Variants in AGBL1 observed in about 807,000 individuals in gnomAD.
The protein encoded by AGBL1 is cytosolic carboxypeptidase 4.
Under a neutral mutation model 118.9 loss-of-function variants are expected in AGBL1, and 130 were observed. The ratio of observed to expected loss-of-function variants is 1.09; its 90% CI spans 0.95 to 1.26. The LOEUF is 1.26. Ranked by LOEUF, AGBL1 falls within the 50% of genes most tolerant of loss-of-function variation. The pLI is 0.00. For missense variants in AGBL1, 1,584 were observed against 1,298.1 expected (o/e 1.22, Z -3.38); for synonymous variants, 555 against 478.9 (o/e 1.16, Z -2.08).
At chr15:86,086,010 C>T (rs1895621575) in intron 1 of AGBL1, among the ~76,000 whole-genome samples, 1 of 152,134 alleles carries the variant, frequency 6.6e-6, no homozygotes. Flanking sequence ...GACAGGGGAC[C>T]AGTGGTGCTT....
At chr15:86,177,271 A>G (rs1032992034) in intron 5 of AGBL1, among the ~76,000 whole-genome samples, 1 of 152,238 alleles carries the variant, frequency 6.6e-6, no homozygotes, top group African/African-American at 2.4e-5. Flanking sequence ...ATGTTTACCT[A>G]ATAACAGAGC....
intron 19 of AGBL1, among the ~76,000 whole-genome samples, chr15:86,523,604 C>T (rs1394810214): frequency 6.6e-6 from 1 of 152,130 alleles, no homozygotes; most frequent in African/African-American, 2.4e-5. Context: ...CCTGAGTCTT[C>T]ATTTTTCTGG....
At chr15:86,596,639 T>A (rs914372416) in intron 21 of AGBL1, among the ~76,000 whole-genome samples, 1 of 152,126 alleles carries the variant, frequency 6.6e-6, no homozygotes, top group Admixed American at 6.6e-5. Context: ...TATATTCAAG[T>A]CATCATTCAA....
In AGBL1 at chr15:86,224,919, C is replaced by G. The variant is rs375655107; in HGVS notation, c.494C>G (p.Ala165Gly). The change falls in exon 6 of 23, where the codon GCC becomes GGC. Residue 165 changes from alanine (A) to glycine (G), a missense_variant. Transcript: ENST00000614907. ...TTTTCTTTCTCTTTCCCCAGGGCAGCCACTGAAGTTTTGGCAGCATTGCTG... is the reference window on the plus strand; with the variant it reads ...TTTTCTTTCTCTTTCCCCAGGGCAGGCACTGAAGTTTTGGCAGCATTGCTG... ...TRKRTQAIRA[A>G]TEVLAALLKS... 1 of 1,613,400 alleles carries G rather than the reference C, an allele frequency of 6.2e-7. No homozygotes were observed. The highest frequency in any genetic ancestry group is 8.5e-7 in the Non-Finnish European group (1 of 1,179,534).
At chr15:86,085,602 C>T (rs1331522935) in intron 1 of AGBL1, among the ~76,000 whole-genome samples, 1 of 152,138 alleles carries the variant, frequency 6.6e-6, no homozygotes, top group Admixed American at 6.5e-5. Context: ...TGTCACTGGA[C>T]TTCTTCCTAT....
intron 22 of AGBL1, among the ~76,000 whole-genome samples, chr15:86,701,278 G>T (rs1286008960): frequency 6.6e-6 from 1 of 152,100 alleles, no homozygotes; most frequent in Non-Finnish European, 1.5e-5. Context: ...TGCTTTTAGA[G>T]AGTGGTGTGT....
intron 23 of AGBL1, among the ~76,000 whole-genome samples, chr15:86,954,576 A>G (rs1469475337): frequency 6.6e-6 from 1 of 152,166 alleles, no homozygotes; most frequent in Non-Finnish European, 1.5e-5. Flanking sequence ...ACCTGTTCTC[A>G]CTTTTAAGTG....
At chr15:86,667,084 A>G (rs1273748395) in intron 21 of AGBL1, among the ~76,000 whole-genome samples, 1 of 152,174 alleles carries the variant, frequency 6.6e-6, no homozygotes, top group Admixed American at 6.5e-5. Context: ...TAACATCTAT[A>G]CTAGCAGATT....
chr15:86,409,411 G>C (rs1334955090), intron 18 of AGBL1, among the ~76,000 whole-genome samples: 9 of 152,120 alleles, frequency 5.9e-5, no homozygotes, highest in Non-Finnish European at 1.3e-4. Context: ...CATAGTGCTG[G>C]GGCTGGATTC....
At chr15:86,791,445 G>C (rs185546261) in intron 22 of AGBL1, among the ~76,000 whole-genome samples, 8 of 152,130 alleles carry the variant, frequency 5.3e-5, no homozygotes, top group Middle Eastern at 6.8e-3. Context: ...GCAGGTGCTC[G>C]GTAAATGCCC....
intron 13 of AGBL1, among the ~76,000 whole-genome samples, chr15:86,268,971 A>C (rs1203976545): frequency 6.6e-6 from 1 of 152,248 alleles, no homozygotes; most frequent in African/African-American, 2.4e-5. Flanking sequence ...CATTTTTAAA[A>C]ATGAAATATC....
At chr15:86,715,548 T>C (rs2086624852) in intron 22 of AGBL1, among the ~76,000 whole-genome samples, 1 of 152,170 alleles carries the variant, frequency 6.6e-6, no homozygotes. Flanking sequence ...TAGTTACTGA[T>C]TGATGTGGAA....
chr15:87,009,233 G>C (rs2081534439), intron 24 of AGBL1, among the ~76,000 whole-genome samples: 1 of 152,182 alleles, frequency 6.6e-6, no homozygotes, highest in East Asian at 1.9e-4. Context: ...CTTGGGACTT[G>C]GTGCCCTGCA....
At chr15:86,885,516 A>G (rs1222044486) in intron 22 of AGBL1, among the ~76,000 whole-genome samples, 2 of 152,222 alleles carry the variant, frequency 1.3e-5, no homozygotes, top group African/African-American at 2.4e-5. Flanking sequence ...ATATCATGTT[A>G]TATTTAATAA....
Position 86,475,360 on chromosome 15 carries a change from A to T in AGBL1, c.2556-47450A>T, listed in dbSNP as rs1158173723. ...AGAAGAATGGCTAACTAGAATAACC[A>T]GTGTAGAGAAGTCCTTAAATGACCT... is the stretch of plus-strand genomic sequence containing the variant. On this transcript the variant is annotated intron_variant, in intron 18 of 22. Coordinates refer to ENST00000614907, the MANE Select transcript of AGBL1 (RefSeq NM_001386094.1). Among the ~76,000 whole-genome samples the T allele has an allele frequency of 2.6e-5, 4 of 152,230 alleles. No individual in the cohort carries two copies. In the East Asian group the frequency reaches 7.7e-4, roughly 29 times the overall value.
intron 18 of AGBL1, among the ~76,000 whole-genome samples, chr15:86,417,894 C>T (rs1321790832): frequency 6.6e-6 from 1 of 152,170 alleles, no homozygotes; most frequent in Non-Finnish European, 1.5e-5. Flanking sequence ...TTTTGATGGC[C>T]TAATCCTATT....
chr15:86,780,282 A>G (rs889958879), intron 22 of AGBL1, among the ~76,000 whole-genome samples: 136 of 152,292 alleles, frequency 8.9e-4, no homozygotes, highest in African/African-American at 3.2e-3. Context: ...AGATGACCAT[A>G]TGTTTCAGAA....
intron 21 of AGBL1, among the ~76,000 whole-genome samples, chr15:86,662,324 T>A (rs980861444): frequency 3.3e-5 from 5 of 152,386 alleles, no homozygotes; most frequent in Admixed American, 6.5e-5. Context: ...GCAAGGCATG[T>A]GCACTTTATA....
At chr15:86,685,181 A>G (rs1596368100) in intron 22 of AGBL1, among the ~76,000 whole-genome samples, 1 of 152,194 alleles carries the variant, frequency 6.6e-6, no homozygotes, top group Admixed American at 6.5e-5. Context: ...GTCAATAGGT[A>G]CTATTTTCTG....
Sources: gnomAD v4.1 joint callset for allele counts (sites outside exome capture counted in the v4.1 genomes callset) on GRCh38, gnomAD v4.1.1 for gene constraint, MANE v1.5 for transcripts, NCBI Gene and HGNC (gene_info 2026-07-23, HGNC 2026-07-21) for gene names.